The following ANXA10 variants were observed in gnomAD, a reference collection of about 807,000 sequenced individuals.
The protein encoded by ANXA10 is annexin A10.
ANXA10 carries 49 observed loss-of-function variants against 53.5 expected under a neutral mutation model. The observed-to-expected ratio is 0.92, with a 90% CI of 0.73 to 1.16. The LOEUF (loss-of-function observed/expected upper bound fraction) is 1.16, where lower values mean the gene tolerates loss of function less well. Ranked by LOEUF, ANXA10 falls within the 50% of genes most tolerant of loss-of-function variation. The pLI is 0.00. For missense variants in ANXA10, 393 were observed against 394.4 expected (o/e 1.00, Z 0.03); for synonymous variants, 131 against 128.9 (o/e 1.02, Z -0.11).
chr4:168,092,973 G>A (rs1257006152), intron 1 of ANXA10, among the ~76,000 whole-genome samples: 1 of 151,880 alleles, frequency 6.6e-6, no homozygotes, highest in East Asian at 1.9e-4. Flanking sequence ...TGCTTCTGAA[G>A]CAAATAAAGA....
rs548874314 is a variant in ANXA10 at position 168,121,980 on chromosome 4, T to C, written c.19-6104T>C. On this transcript the variant is annotated intron_variant, in intron 1 of 11. Coordinates refer to ENST00000359299, the MANE Select transcript of ANXA10 (RefSeq NM_007193.5). ...GTCTCAGCCTCCCGAGTAGCTGGGA[T>C]TACAGGCGCCCACCACCACGCCCGG... Among the ~76,000 whole-genome samples, 3 of 151,602 alleles carry C rather than the reference T, an allele frequency of 2.0e-5. No individual in the cohort carries two copies. The South Asian group carries it at 6.3e-4, about 32-fold the overall frequency.
At chr4:168,158,815 C>G (rs1004775203) in intron 3 of ANXA10, among the ~76,000 whole-genome samples, 1 of 152,176 alleles carries the variant, frequency 6.6e-6, no homozygotes, top group African/African-American at 2.4e-5. Context: ...TGTGTCCTCT[C>G]CAAATGTCAT....
At chr4:168,177,460 CT>C (rs1004966361) in intron 6 of ANXA10, among the ~76,000 whole-genome samples, 2 of 152,178 alleles carry the variant, frequency 1.3e-5, no homozygotes, top group Non-Finnish European at 2.9e-5. Context: ...GGAGAAGATA[CT>C]GCACAGAGAC....
intron 2 of ANXA10, among the ~76,000 whole-genome samples, chr4:168,131,617 C>T (rs1731157935): frequency 6.6e-6 from 1 of 151,196 alleles, no homozygotes; most frequent in Admixed American, 6.6e-5. Flanking sequence ...ACAGTGGATT[C>T]TTCTATTTCT....
rs1214457602 is a variant in ANXA10, at chr4:168,148,924, T to A, written c.195+9344T>A. Among the ~76,000 whole-genome samples, 3 of 152,278 alleles carry A rather than the reference T, an allele frequency of 2.0e-5. No individual in the cohort carries two copies. The East Asian group carries it at 5.8e-4, about 29-fold the overall frequency. ...TATAGAATTCTGGGTGGAACTCTAG[T>A]TATTTTCCCCTACATCTTTGCAAAT... On this transcript the variant is annotated intron_variant, in intron 3 of 11. Transcript: ENST00000359299.
intron 3 of ANXA10, among the ~76,000 whole-genome samples, chr4:168,142,787 TA>T (rs1203380989): frequency 1.3e-5 from 2 of 152,170 alleles, no homozygotes; most frequent in East Asian, 3.9e-4. Context: ...ACTGCTCCTG[TA>T]AACTTTCCCA....
At chr4:168,184,057 A>C (rs1435920445) in intron 10 of ANXA10, among the ~76,000 whole-genome samples, 1 of 152,200 alleles carries the variant, frequency 6.6e-6, no homozygotes, top group East Asian at 1.9e-4. Context: ...ATTTTTTATA[A>C]TTTATCAATG....
At chr4:168,123,401 G>GGGA (rs1324274419) in intron 1 of ANXA10, among the ~76,000 whole-genome samples, 1 of 152,132 alleles carries the variant, frequency 6.6e-6, no homozygotes, top group Non-Finnish European at 1.5e-5. Flanking sequence ...TTATATTCAA[G>GGGA]GGAGGCAGTC....
At chr4:168,114,894 T>C (rs1281993251) in intron 1 of ANXA10, among the ~76,000 whole-genome samples, 1 of 151,612 alleles carries the variant, frequency 6.6e-6, no homozygotes, top group Admixed American at 6.6e-5. Context: ...GTTATTTTCT[T>C]TTATTTTTTT....
chr4:168,171,887 A>T (rs777254548), intron 6 of ANXA10, among the ~76,000 whole-genome samples: 1 of 152,202 alleles, frequency 6.6e-6, no homozygotes. Flanking sequence ...GAAAGAATGG[A>T]AACTACCTAA....
chr4:168,168,046 T>C (rs1384745148), intron 6 of ANXA10, among the ~76,000 whole-genome samples: 1 of 152,188 alleles, frequency 6.6e-6, no homozygotes, highest in Non-Finnish European at 1.5e-5. Flanking sequence ...TGAGCTTATC[T>C]CTTTCTTGTA....
At chr4:168,183,679 C>T (rs918262152) in intron 10 of ANXA10, among the ~76,000 whole-genome samples, 20 of 152,224 alleles carry the variant, frequency 1.3e-4, no homozygotes, top group Middle Eastern at 3.4e-3. Context: ...TACCTGAAGA[C>T]CTCAAATGTC....
At chr4:168,118,654 G>T (rs1730936971) in intron 1 of ANXA10, among the ~76,000 whole-genome samples, 1 of 152,122 alleles carries the variant, frequency 6.6e-6, no homozygotes, top group Non-Finnish European at 1.5e-5. Flanking sequence ...AATATACTCT[G>T]TACTCTAGAG....
intron 3 of ANXA10, among the ~76,000 whole-genome samples, chr4:168,153,860 AC>A (rs1180256820): frequency 6.6e-6 from 1 of 151,926 alleles, no homozygotes; most frequent in Non-Finnish European, 1.5e-5. Context: ...AAGCCTAAAA[AC>A]CCTACCTCCA....
intron 6 of ANXA10, among the ~76,000 whole-genome samples, chr4:168,165,593 A>G (rs1731864021): frequency 1.3e-5 from 2 of 152,178 alleles, no homozygotes; most frequent in Admixed American, 1.3e-4. Context: ...ACATGTATGT[A>G]TAATTAATTT....
intron 3 of ANXA10, among the ~76,000 whole-genome samples, chr4:168,147,282 T>C (rs1056755831): frequency 6.6e-6 from 1 of 152,178 alleles, no homozygotes; most frequent in East Asian, 1.9e-4. Flanking sequence ...AAGGCCTCCA[T>C]GGATCAGGCA....
intron 1 of ANXA10, chr4:168,127,816 C>CTT (rs1560965783): frequency 9.5e-6 from 3 of 315,780 alleles, no homozygotes; most frequent in Non-Finnish European, 1.6e-5. Flanking sequence ...AATGTTGAAA[C>CTT]CTTTTTTTTT....
chr4:168,153,886 G>T (rs1309867895), intron 3 of ANXA10, among the ~76,000 whole-genome samples: 1 of 151,946 alleles, frequency 6.6e-6, no homozygotes, highest in African/African-American at 2.4e-5. Flanking sequence ...CTGTACATTC[G>T]AACATTAGAT....
At chr4:168,156,201 A>AT (rs1560784524) in intron 3 of ANXA10, among the ~76,000 whole-genome samples, 12 of 26,024 alleles carry the variant, frequency 4.6e-4, no homozygotes, top group South Asian at 1.0e-3. Flanking sequence ...TATATATAAT[A>AT]TATATTATAT....
Sources: gnomAD v4.1 joint callset for allele counts (sites outside exome capture counted in the v4.1 genomes callset) on GRCh38, gnomAD v4.1.1 for gene constraint, MANE v1.5 for transcripts, NCBI Gene and HGNC (gene_info 2026-07-23, HGNC 2026-07-21) for gene names.